Variants in PLCL1 observed in about 807,000 individuals in gnomAD.
PLCL1 encodes phospholipase C like 1 (inactive).
In PLCL1, 41 loss-of-function variants were observed where a neutral mutation model predicts 84.4. The ratio of observed to expected loss-of-function variants is 0.49; its 90% CI spans 0.38 to 0.63. PLCL1 has a LOEUF of 0.63. Among genes scored for constraint, PLCL1 ranks in the 30% least tolerant of loss-of-function variants. The pLI, the probability that PLCL1 is intolerant of heterozygous loss-of-function variation, is 0.00. For synonymous variants in PLCL1, 490 were observed against 488.3 expected, an observed-to-expected ratio of 1.00 and a Z score of -0.05; for missense variants, 1,206 against 1,367.8, an observed-to-expected ratio of 0.88 and a Z score of 1.87.
At chr2:197,863,154 T>C (rs1687464869) in intron 1 of PLCL1, among the ~76,000 whole-genome samples, 1 of 151,148 alleles carries the variant, frequency 6.6e-6, no homozygotes, top group Non-Finnish European at 1.5e-5. Context: ...TCTGGTCTTT[T>C]CTTAAAGCGT....
At chr2:198,113,564 G>A (rs1459086457) in intron 5 of PLCL1, among the ~76,000 whole-genome samples, 1 of 151,866 alleles carries the variant, frequency 6.6e-6, no homozygotes, top group African/African-American at 2.4e-5. Context: ...TAATGGGAGA[G>A]GCCAGGGAAG....
intron 5 of PLCL1, among the ~76,000 whole-genome samples, chr2:198,114,859 T>G (rs1574322951): frequency 6.6e-6 from 1 of 151,822 alleles, no homozygotes; most frequent in South Asian, 2.1e-4. Flanking sequence ...ACATATATGG[T>G]ATGCACACAG....
At position 198,146,908 on chromosome 2, in the gene PLCL1, C is replaced by T. The variant is rs769075294; in HGVS notation, c.3234C>T (p.Arg1078=). 6.2e-7 allele frequency: 1 copy of T among 1,613,246 alleles called. No homozygotes were observed. The highest frequency in any genetic ancestry group is 1.7e-5 in the Admixed American group (1 of 59,910). ...GCAGTGCTGAGGCCAAGAGCAAGCG[C>T]AGCCTGGAAGCCATAGAGGAGAAGG... ...PSSSAEAKSK[R]SLEAIEEKES... is the part of the protein sequence containing the mutation. The change falls in exon 6 of 6, where the codon CGC becomes CGT. Residue 1078 remains arginine, a synonymous_variant. Coordinates refer to ENST00000428675, the MANE Select transcript of PLCL1 (RefSeq NM_006226.4).
chr2:197,825,813 T>C (rs1167362005), intron 1 of PLCL1, among the ~76,000 whole-genome samples: 1 of 152,230 alleles, frequency 6.6e-6, no homozygotes, highest in African/African-American at 2.4e-5. Flanking sequence ...AGTTTCTTCA[T>C]TGGTAAAATG....
chr2:198,131,143 G>A (rs180996176), intron 5 of PLCL1, among the ~76,000 whole-genome samples: 3 of 152,234 alleles, frequency 2.0e-5, no homozygotes, highest in East Asian at 3.9e-4. Flanking sequence ...TAGTCACATG[G>A]ACTGTCCCTT....
intron 1 of PLCL1, among the ~76,000 whole-genome samples, chr2:198,010,321 T>C (rs1361116431): frequency 6.6e-6 from 1 of 152,026 alleles, no homozygotes; most frequent in African/African-American, 2.4e-5. Context: ...ATGGCTTTTA[T>C]TATGTTGAGG....
intron 5 of PLCL1, among the ~76,000 whole-genome samples, chr2:198,145,403 T>C (rs961659001): frequency 1.3e-5 from 2 of 152,228 alleles, no homozygotes; most frequent in African/African-American, 2.4e-5. Flanking sequence ...GAATAGAGCA[T>C]TGATGCAGGA....
chr2:198,146,696 G>A (rs1043949114), intron 5 of PLCL1, 84 bp from the exon 6 acceptor site: 2 of 1,103,756 alleles, frequency 1.8e-6, no homozygotes, highest in Non-Finnish European at 2.6e-6. Context: ...TCAGCAATGG[G>A]CAGTAAGAAC....
At chr2:198,024,579 C>T (rs1691219083) in intron 1 of PLCL1, among the ~76,000 whole-genome samples, 3 of 152,064 alleles carry the variant, frequency 2.0e-5, no homozygotes, top group Admixed American at 2.0e-4. Context: ...GCCTGACCAA[C>T]ATGGAGAAAC....
chr2:197,973,103 A>G (rs778874772), intron 1 of PLCL1, among the ~76,000 whole-genome samples: 13 of 152,196 alleles, frequency 8.5e-5, no homozygotes, highest in Non-Finnish European at 1.9e-4. Flanking sequence ...ATGAGGTGGG[A>G]GATCTGCTCA....
At chr2:197,850,865 T>C (rs1372325406) in intron 1 of PLCL1, among the ~76,000 whole-genome samples, 2 of 152,140 alleles carry the variant, frequency 1.3e-5, no homozygotes, top group African/African-American at 4.8e-5. Flanking sequence ...ATAAATCCTC[T>C]CTCCAGGAGA....
intron 1 of PLCL1, among the ~76,000 whole-genome samples, chr2:197,967,787 A>T (rs1487201130): frequency 1.3e-5 from 2 of 152,210 alleles, no homozygotes; most frequent in Admixed American, 6.5e-5. Flanking sequence ...GAACTTTATC[A>T]TGCATATGAA....
In PLCL1 at chr2:198,077,086, A is replaced by G. The variant is rs370561124; in HGVS notation, c.241-6672A>G. On this transcript the variant is annotated intron_variant, in intron 1 of 5. Coordinates refer to ENST00000428675, the MANE Select transcript of PLCL1 (RefSeq NM_006226.4). ...TTATTACTCTCTGCCTCTGCCTGTT[A>G]TTCGGTCTCATTTGGGGCCACTTTA... Among the ~76,000 whole-genome samples the G allele has an allele frequency of 6.8e-4, 104 of 152,168 alleles. 3 individuals are homozygous for G. The South Asian group carries it at 0.013, about 20-fold the overall frequency.
At chr2:198,083,644 CTCT>C (rs1486921295) in intron 1 of PLCL1, 111 bp from the exon 2 acceptor site, 1 of 648,516 alleles carries the variant, frequency 1.5e-6, no homozygotes, top group Non-Finnish European at 2.5e-6. Flanking sequence ...TTAGGGTAGC[CTCT>C]GTTCAAATAA....
chr2:197,930,534 T>C lies in PLCL1; in HGVS notation c.240+125195T>C, dbSNP rs75041159. Among the ~76,000 whole-genome samples the C allele has an allele frequency of 6.8e-3, 1,041 of 152,338 alleles. 9 individuals carry two copies. The highest frequency in any genetic ancestry group is 0.024 in the African/African-American group (993 of 41,586). ...TCTTTTGTTTTTCTTCTTAATAGTT[T>C]ATTGTGTAAAGAGGCCTCGTTTTCC... On this transcript the variant is annotated intron_variant, in intron 1 of 5. Transcript: ENST00000428675.
rs565396800 is a variant in PLCL1 at position 197,900,396 on chromosome 2, A to G, written c.240+95057A>G. ...GAAATAGTGATTAAGATGGAATGGAATGGACTGAGAAGAAATAAAGTGAAT... is the reference window on the plus strand; with the variant it reads ...GAAATAGTGATTAAGATGGAATGGAGTGGACTGAGAAGAAATAAAGTGAAT... On this transcript the variant is annotated intron_variant, in intron 1 of 5. Transcript: ENST00000428675. 1.1e-3 allele frequency among the ~76,000 whole-genome samples: 162 copies of G among 152,344 alleles called. 1 individual carries two copies. The highest frequency in any genetic ancestry group is 3.6e-3 in the African/African-American group (150 of 41,576).
intron 1 of PLCL1, among the ~76,000 whole-genome samples, chr2:197,908,794 C>G (rs1390351045): frequency 6.6e-6 from 1 of 151,820 alleles, no homozygotes; most frequent in African/African-American, 2.4e-5. Context: ...CTTCTTTTTT[C>G]TTTTATACTC....
At chr2:198,110,432 C>T (rs892179412) in intron 5 of PLCL1, among the ~76,000 whole-genome samples, 1 of 151,872 alleles carries the variant, frequency 6.6e-6, no homozygotes, top group Non-Finnish European at 1.5e-5. Context: ...AATTTCAGGA[C>T]CTTACAGTTC....
In PLCL1 at chr2:198,093,956, A is replaced by C. The variant is rs1352926775; in HGVS notation, c.2919+4895A>C. Among the ~76,000 whole-genome samples the C allele has an allele frequency of 7.9e-5, 12 of 151,912 alleles. 1 individual carries two copies. Among genetic ancestry groups the C allele is most frequent in the Admixed American group, 7.9e-4 (12 of 15,270 alleles). On this transcript the variant is annotated intron_variant, in intron 3 of 5. Coordinates refer to ENST00000428675, the MANE Select transcript of PLCL1 (RefSeq NM_006226.4). ...TAGCTTTCCATATTTATTACCCACTATAAATAAATAAATAAATAAATCCCA... is the reference window on the plus strand; with the variant it reads ...TAGCTTTCCATATTTATTACCCACTCTAAATAAATAAATAAATAAATCCCA...
Sources: allele counts gnomAD v4.1 joint callset (sites outside exome capture counted in the v4.1 genomes callset), GRCh38; gene constraint gnomAD v4.1.1; transcripts MANE v1.5; gene names NCBI Gene and HGNC (gene_info 2026-07-23, HGNC 2026-07-21).